The following UQCC1 variants were observed in gnomAD, a reference collection of about 807,000 sequenced individuals.
UQCC1 encodes the protein bFGF-repressed Zic-binding protein.
Under a neutral mutation model 48.0 loss-of-function variants are expected in UQCC1, and 38 were observed. The observed-to-expected ratio is 0.79, with a 90% CI of 0.61 to 1.04. The LOEUF (loss-of-function observed/expected upper bound fraction) is 1.04, where lower values mean the gene tolerates loss of function less well. Among genes scored for constraint, UQCC1 ranks in the 50% least tolerant of loss-of-function variants. UQCC1 has a pLI of 0.00. For synonymous variants in UQCC1, 111 were observed against 129.2 expected (o/e 0.86, Z 0.95); for missense variants, 368 against 381.8 (o/e 0.96, Z 0.30).
At chr20:35,307,902 T>C (rs1210024741) in intron 8 of UQCC1, among the ~76,000 whole-genome samples, 3 of 152,226 alleles carry the variant, frequency 2.0e-5, no homozygotes, top group African/African-American at 7.2e-5. Flanking sequence ...GCTGTGTCAC[T>C]TGATGGCCAT....
At chr20:35,360,983 T>A (rs1448285039) in intron 6 of UQCC1, among the ~76,000 whole-genome samples, 1 of 152,150 alleles carries the variant, frequency 6.6e-6, no homozygotes, top group Non-Finnish European at 1.5e-5. Flanking sequence ...ACTGAGTAAG[T>A]GGCCTGAGAC....
At chr20:35,362,760 G>A (rs758030038) in intron 6 of UQCC1, among the ~76,000 whole-genome samples, 2 of 152,148 alleles carry the variant, frequency 1.3e-5, no homozygotes, top group Non-Finnish European at 2.9e-5. Flanking sequence ...CATTTGTACT[G>A]AGAAGGCCAA....
At chr20:35,342,184 G>C (rs1363250264) in intron 7 of UQCC1, among the ~76,000 whole-genome samples, 1 of 152,182 alleles carries the variant, frequency 6.6e-6, no homozygotes, top group Non-Finnish European at 1.5e-5. Context: ...AGGCATGCCA[G>C]GGACCGCTGA....
intron 1 of UQCC1, among the ~76,000 whole-genome samples, chr20:35,396,284 C>CA (rs2062077839): frequency 2.1e-5 from 2 of 94,376 alleles, no homozygotes; most frequent in Admixed American, 2.9e-4. Context: ...TGTGCCTGGC[C>CA]TTTTTTTTTT....
intron 4 of UQCC1, among the ~76,000 whole-genome samples, chr20:35,380,959 A>G (rs2061859103): frequency 1.3e-5 from 2 of 152,220 alleles, no homozygotes; most frequent in Admixed American, 1.3e-4. Context: ...AACGTTTTAG[A>G]TTTTGAATTT....
chr20:35,326,514 C>T (rs1356592708), intron 7 of UQCC1, among the ~76,000 whole-genome samples: 1 of 152,172 alleles, frequency 6.6e-6, no homozygotes, highest in Non-Finnish European at 1.5e-5. Context: ...TTGAGCCCGG[C>T]AGGCGTCTCC....
rs1163914743 is a variant in UQCC1, at chr20:35,303,297, A to G, written c.*638T>C. 1 of 152,544 alleles carries G rather than the reference A, an allele frequency of 6.6e-6. No individual in the cohort carries two copies. Among genetic ancestry groups the G allele is most frequent in the Admixed American group, 6.5e-5 (1 of 15,322 alleles). 9.4% of individuals were successfully genotyped at this position (152,544 alleles called of 1,614,324 possible). A position where few individuals can be genotyped will look rare whatever the true frequency, so the allele number is the denominator to read the frequency against. On this transcript the variant is annotated 3_prime_UTR_variant, in exon 10 of 10. Coordinates refer to ENST00000374385, the MANE Select transcript of UQCC1 (RefSeq NM_018244.5). ...GCCTGGCTGGCTGTATCTTGGCCTG[A>G]ACAGAGACACATCTCCATGAACTAG... is the stretch of plus-strand genomic sequence containing the variant.
At chr20:35,389,017 G>C (rs1341791486) in intron 2 of UQCC1, among the ~76,000 whole-genome samples, 1 of 151,966 alleles carries the variant, frequency 6.6e-6, no homozygotes, top group Non-Finnish European at 1.5e-5. Flanking sequence ...AGTGAGCCAA[G>C]ATCGCACCAC....
At chr20:35,380,063 T>C (rs944601585) in intron 4 of UQCC1, among the ~76,000 whole-genome samples, 1 of 152,200 alleles carries the variant, frequency 6.6e-6, no homozygotes, top group Non-Finnish European at 1.5e-5. Flanking sequence ...AGCAACCAAG[T>C]GGAACCCAAT....
chr20:35,411,889 C>CTCCA, intron 1 of UQCC1, 51 bp downstream of exon 1: 1 of 1,613,576 alleles, frequency 6.2e-7, no homozygotes, highest in East Asian at 2.2e-5. Context: ...CCTTGTCGAA[C>CTCCA]TCCAACCCGG....
intron 2 of UQCC1, among the ~76,000 whole-genome samples, chr20:35,388,212 C>T (rs189232087): frequency 1.1e-4 from 17 of 152,008 alleles, no homozygotes; most frequent in Admixed American, 1.1e-3. Flanking sequence ...AAACTCCTGA[C>T]CTCAAGTGAT....
chr20:35,342,918 T>A (rs2061396418), intron 7 of UQCC1, among the ~76,000 whole-genome samples: 1 of 152,192 alleles, frequency 6.6e-6, no homozygotes, highest in Non-Finnish European at 1.5e-5. Flanking sequence ...TCACAATAGT[T>A]GGGCTCCAAA....
At chr20:35,410,941 T>C (rs2062353387) in intron 1 of UQCC1, among the ~76,000 whole-genome samples, 1 of 151,786 alleles carries the variant, frequency 6.6e-6, no homozygotes. Flanking sequence ...CGAGGGTACC[T>C]CACTCTGCTA....
chr20:35,362,916 C>T (rs1348649048), intron 6 of UQCC1, among the ~76,000 whole-genome samples: 4 of 151,880 alleles, frequency 2.6e-5, no homozygotes, highest in Non-Finnish European at 5.9e-5. Context: ...GGGGTTCCCT[C>T]TCTCAGCCTT....
rs1278147406 is a variant in UQCC1 at position 35,371,463 on chromosome 20, G to A, written c.406+2721C>T. Among the ~76,000 whole-genome samples the A allele has an allele frequency of 3.3e-5, 5 of 150,894 alleles. 1 individual carries two copies. The highest frequency in any genetic ancestry group is 7.4e-5 in the Non-Finnish European group (5 of 67,820). ...AGTGATTCTCCTGCCTTGGCCTCCC[G>A]AGTAGCTGGGATTAGAGGCACCCAC... On this transcript the variant is annotated intron_variant, in intron 5 of 9. Coordinates refer to ENST00000374385, the MANE Select transcript of UQCC1 (RefSeq NM_018244.5).
At chr20:35,328,992 C>T (rs551978276) in intron 7 of UQCC1, among the ~76,000 whole-genome samples, 12 of 152,186 alleles carry the variant, frequency 7.9e-5, no homozygotes, top group East Asian at 1.9e-4. Context: ...TAGCATGTGG[C>T]GAGAGACAAA....
chr20:35,320,454 C>T (rs1157262737), intron 7 of UQCC1, among the ~76,000 whole-genome samples: 1 of 152,234 alleles, frequency 6.6e-6, no homozygotes, highest in Non-Finnish European at 1.5e-5. Context: ...CCATTGCCTA[C>T]CTGTGTTGGA....
intron 7 of UQCC1, among the ~76,000 whole-genome samples, chr20:35,322,462 G>A (rs1012419298): frequency 3.3e-5 from 5 of 152,232 alleles, no homozygotes; most frequent in Admixed American, 6.5e-5. Context: ...GGCCAGGTGC[G>A]GTGGCTCACG....
intron 4 of UQCC1, among the ~76,000 whole-genome samples, chr20:35,377,609 A>C (rs547709911): frequency 1.4e-4 from 22 of 152,340 alleles, no homozygotes; most frequent in African/African-American, 4.8e-4. Context: ...ACTCTCATGG[A>C]GCTTACGGCC....
Sources: allele counts gnomAD v4.1 joint callset (sites outside exome capture counted in the v4.1 genomes callset), GRCh38; gene constraint gnomAD v4.1.1; transcripts MANE v1.5; gene names NCBI Gene and HGNC (gene_info 2026-07-23, HGNC 2026-07-21).